The following ZNF710 variants were observed in gnomAD, a reference collection of about 807,000 sequenced individuals.
The protein encoded by ZNF710 is zinc finger protein 710.
Under a neutral mutation model 50.6 loss-of-function variants are expected in ZNF710, and 13 were observed. The ratio of observed to expected loss-of-function variants is 0.26; its 90% CI spans 0.17 to 0.41. The LOEUF (loss-of-function observed/expected upper bound fraction) is 0.41. Among genes scored for constraint, ZNF710 ranks in the 10% least tolerant of loss-of-function variants. ZNF710 has a pLI of 1.00. For synonymous variants in ZNF710, 383 were observed against 397.0 expected, an observed-to-expected ratio of 0.96 and a Z score of 0.42; for missense variants, 721 against 936.6, an observed-to-expected ratio of 0.77 and a Z score of 3.01.
intron 3 of ZNF710, 137 bp downstream of exon 3, chr15:90,073,399 C>T (rs527464438): frequency 3.6e-4 from 379 of 1,042,644 alleles, no homozygotes; most frequent in Non-Finnish European, 4.6e-4. Context: ...TGAAACTTAG[C>T]CTGGGCTTTG....
At chr15:90,030,543 A>T (rs1339493710) in intron 1 of ZNF710, among the ~76,000 whole-genome samples, 1 of 151,976 alleles carries the variant, frequency 6.6e-6, no homozygotes, top group Admixed American at 6.6e-5. Context: ...ATCATGTGCC[A>T]GGCCCTGGCC....
chr15:90,057,565 C>T (rs550068577), intron 1 of ZNF710, among the ~76,000 whole-genome samples: 46 of 152,018 alleles, frequency 3.0e-4, no homozygotes, highest in Middle Eastern at 3.4e-3. Context: ...GGCGTGGTGG[C>T]GCGCTCCTGT....
intron 1 of ZNF710, among the ~76,000 whole-genome samples, chr15:90,012,815 T>A (rs184838763): frequency 2.5e-4 from 38 of 152,270 alleles, no homozygotes; most frequent in Admixed American, 2.0e-3. Context: ...CCATTGAGCT[T>A]GTAATGTGAA....
At chr15:90,030,067 C>A (rs1898887277) in intron 1 of ZNF710, among the ~76,000 whole-genome samples, 1 of 151,770 alleles carries the variant, frequency 6.6e-6, no homozygotes, top group Non-Finnish European at 1.5e-5. Flanking sequence ...CAGTGGCTCA[C>A]ACCTGTAATC....
intron 1 of ZNF710, among the ~76,000 whole-genome samples, chr15:90,033,850 C>A (rs185121051): frequency 1.3e-5 from 2 of 152,296 alleles, no homozygotes; most frequent in East Asian, 3.9e-4. Flanking sequence ...GAAACGTGGG[C>A]GCTACCAGCT....
At chr15:90,064,172 C>T (rs937417640) in intron 1 of ZNF710, among the ~76,000 whole-genome samples, 13 of 152,242 alleles carry the variant, frequency 8.5e-5, no homozygotes, top group African/African-American at 3.1e-4. Flanking sequence ...CGGACTGTCG[C>T]GACAGGAGGC....
chr15:90,053,957 C>T (rs993342560), intron 1 of ZNF710, among the ~76,000 whole-genome samples: 3 of 152,090 alleles, frequency 2.0e-5, no homozygotes, highest in African/African-American at 7.2e-5. Flanking sequence ...TAGAGATGAC[C>T]CGAGAGAGAG....
At position 90,038,392 on chromosome 15, in the gene ZNF710, G is replaced by A. The variant is rs1016900142; in HGVS notation, c.-28-28718G>A. Among the ~76,000 whole-genome samples, 4 of 152,162 alleles carry A rather than the reference G, an allele frequency of 2.6e-5. No homozygotes were observed. In the South Asian group the frequency reaches 6.2e-4, roughly 24 times the overall value. Reference sequence around the variant, plus strand: ...TCACTCATTGTTGCCATTTTGCCACGTTTTCTTTATCTCACTCTCTTTCAC... The same window carrying A: ...TCACTCATTGTTGCCATTTTGCCACATTTTCTTTATCTCACTCTCTTTCAC... On this transcript the variant is annotated intron_variant, in intron 1 of 4. Coordinates refer to ENST00000268154, the MANE Select transcript of ZNF710 (RefSeq NM_198526.4).
At chr15:90,019,902 C>T (rs1898564302) in intron 1 of ZNF710, among the ~76,000 whole-genome samples, 1 of 152,172 alleles carries the variant, frequency 6.6e-6, no homozygotes, top group Admixed American at 6.5e-5. Context: ...CAAGAGAATG[C>T]TCCTAAACAA....
Position 90,001,793 on chromosome 15 carries a change from T to G in ZNF710, c.-29+179T>G, listed in dbSNP as rs566050896. The stretch of plus-strand genomic sequence containing the variant: ...CCCGCGCCGCGCTGCAAACATGTCG[T>G]CTTTTCCTTTCACTTCCACATTCCC... On this transcript the variant is annotated intron_variant, in intron 1 of 4. Coordinates refer to ENST00000268154, the MANE Select transcript of ZNF710 (RefSeq NM_198526.4). Among the ~76,000 whole-genome samples, 427 of 145,668 alleles carry G rather than the reference T, an allele frequency of 2.9e-3. 3 individuals are homozygous for G. The highest frequency in any genetic ancestry group is 0.01 in the African/African-American group (415 of 39,624).
chr15:90,052,570 T>C (rs1401980572), intron 1 of ZNF710, among the ~76,000 whole-genome samples: 1 of 152,212 alleles, frequency 6.6e-6, no homozygotes, highest in Non-Finnish European at 1.5e-5. Context: ...TCTTACTGGC[T>C]CTGTGACGTA....
At chr15:90,046,044 A>C (rs1456461174) in intron 1 of ZNF710, among the ~76,000 whole-genome samples, 1 of 152,010 alleles carries the variant, frequency 6.6e-6, no homozygotes, top group Non-Finnish European at 1.5e-5. Context: ...CCGTCCAGCC[A>C]GGGTTCCCAG....
chr15:90,036,047 G>A (rs560936764), intron 1 of ZNF710, among the ~76,000 whole-genome samples: 7 of 152,254 alleles, frequency 4.6e-5, no homozygotes, highest in African/African-American at 7.2e-5. Context: ...ATCCTGAGAC[G>A]CACTCGCCCC....
At chr15:90,070,308 C>G (rs1404602851) in intron 2 of ZNF710, among the ~76,000 whole-genome samples, 1 of 151,238 alleles carries the variant, frequency 6.6e-6, no homozygotes, top group Admixed American at 6.6e-5. Context: ...TATGATTGCT[C>G]CTATTAATAG....
Position 90,004,409 on chromosome 15 carries a change from T to C in ZNF710, c.-29+2795T>C, listed in dbSNP as rs1898087463. On this transcript the variant is annotated intron_variant, in intron 1 of 4. Transcript: ENST00000268154. The stretch of plus-strand genomic sequence containing the variant: ...GTCAGCTCCCTGGCCCCACCAGTGC[T>C]GATGCTTGGCGCAGGCTCATAATCT... 2.0e-5 allele frequency among the ~76,000 whole-genome samples: 3 copies of C among 152,204 alleles called. No homozygotes were observed. The South Asian group carries it at 6.2e-4, about 31-fold the overall frequency.
chr15:90,079,513 G>C, intron 4 of ZNF710, 147 bp from the exon 5 acceptor site: 1 of 980,988 alleles, frequency 1.0e-6, no homozygotes, highest in Non-Finnish European at 1.5e-6. Flanking sequence ...AGGCGTCCGA[G>C]GGTGGGAAGG....
chr15:90,065,190 T>C (rs1900126984), intron 1 of ZNF710, among the ~76,000 whole-genome samples: 1 of 152,180 alleles, frequency 6.6e-6, no homozygotes, highest in African/African-American at 2.4e-5. Context: ...TCTGGGGTAT[T>C]TTTAGCCGTC....
chr15:90,062,842 A>ACG lies in ZNF710; in HGVS notation c.-28-4264_-28-4263dup, dbSNP rs2151521002. 6.6e-6 allele frequency among the ~76,000 whole-genome samples: 1 copy of ACG among 152,270 alleles called. No individual in the cohort carries two copies. The highest frequency in any genetic ancestry group is 2.1e-4 in the South Asian group (1 of 4,824). ...CCCTTCTGCATACACACACGCGCGCACGCGCACACACACACAGCCTGCCTG... is the reference window on the plus strand; with the variant it reads ...CCCTTCTGCATACACACACGCGCGCACGCGCGCACACACACACAGCCTGCCTG... On this transcript the variant is annotated intron_variant, in intron 1 of 4. Coordinates refer to ENST00000268154, the MANE Select transcript of ZNF710 (RefSeq NM_198526.4). This position sits in a 1 kb window ranked among gnomAD's most constrained non-coding sequence, Gnocchi z 5.6.
At position 90,059,406 on chromosome 15, in the gene ZNF710, G is replaced by A. The variant is rs997025130; in HGVS notation, c.-28-7704G>A. Among the ~76,000 whole-genome samples the A allele has an allele frequency of 2.6e-5, 4 of 152,254 alleles. No individual in the cohort carries two copies. The highest frequency in any genetic ancestry group is 1.3e-4 in the Admixed American group (2 of 15,290). On this transcript the variant is annotated intron_variant, in intron 1 of 4. Transcript: ENST00000268154. This position sits in a 1 kb window ranked among gnomAD's most constrained non-coding sequence, Gnocchi z 4.1. ...CCTTGCTCCCCCACCGTCTCACTGT[G>A]TGACCTTGGACCATTCCCTTCCCCT...
Sources: allele counts gnomAD v4.1 joint callset (sites outside exome capture counted in the v4.1 genomes callset), GRCh38; gene constraint gnomAD v4.1.1; non-coding constraint Gnocchi (gnomAD v3.1); transcripts MANE v1.5; gene names NCBI Gene and HGNC (gene_info 2026-07-23, HGNC 2026-07-21).